The following CREBBP variants were observed in gnomAD, a reference collection of about 807,000 sequenced individuals.
CREBBP encodes the protein CREB binding lysine acetyltransferase.
Under a neutral mutation model 265.0 loss-of-function variants are expected in CREBBP, and 19 were observed. The ratio of observed to expected loss-of-function variants is 0.07; its 90% CI spans 0.05 to 0.11. The LOEUF (loss-of-function observed/expected upper bound fraction) is 0.11. Among genes scored for constraint, CREBBP ranks in the 10% least tolerant of loss-of-function variants. CREBBP has a pLI of 1.00. For synonymous variants in CREBBP, 1,457 were observed against 1,223.7 expected, an observed-to-expected ratio of 1.19 and a Z score of -3.98; for missense variants, 2,525 against 3,219.0, an observed-to-expected ratio of 0.78 and a Z score of 5.22.
At chr16:3,794,361 A>G (rs1213635408) in intron 3 of CREBBP, among the ~76,000 whole-genome samples, 1 of 146,372 alleles carries the variant, frequency 6.8e-6, no homozygotes, top group Non-Finnish European at 1.5e-5. Flanking sequence ...AAAAAAAAAA[A>G]AAAAGATTTG....
chr16:3,761,006 G>A (rs1196657584), intron 16 of CREBBP, among the ~76,000 whole-genome samples: 1 of 152,092 alleles, frequency 6.6e-6, no homozygotes, highest in African/African-American at 2.4e-5. Context: ...CTAGGCTGGA[G>A]TGCAATGGCG....
At position 3,778,072 on chromosome 16, in the gene CREBBP, G is replaced by C. The variant is rs2141233346; in HGVS notation, c.2052C>G (p.Ala684=). Residue 684 remains alanine (A), a synonymous_variant, in exon 10 of 31, where the codon GCC becomes GCG. Transcript: ENST00000262367. ...GGGGCTGAGCCCCCGGGGCTGGTAA[G>C]GCTGGCTGGTTCCCCAAGATGCCTT... ...HKQGILGNQP[A]LPAPGAQPPV... 6.2e-7 allele frequency: 1 copy of C among 1,614,224 alleles called. No homozygotes were observed. Among genetic ancestry groups the C allele is most frequent in the South Asian group, 1.1e-5 (1 of 91,082 alleles).
At chr16:3,783,410 C>T (rs2053318479) in intron 5 of CREBBP, among the ~76,000 whole-genome samples, 1 of 152,188 alleles carries the variant, frequency 6.6e-6, no homozygotes. Context: ...AGAGATGATA[C>T]CTGGTCGGTC....
intron 16 of CREBBP, among the ~76,000 whole-genome samples, chr16:3,764,685 G>C (rs2052804479): frequency 6.6e-6 from 1 of 152,048 alleles, no homozygotes; most frequent in African/African-American, 2.4e-5. Context: ...CTGAGCTCAA[G>C]TGATCCTGCT....
intron 2 of CREBBP, among the ~76,000 whole-genome samples, chr16:3,830,783 T>C (rs2054327446): frequency 6.6e-6 from 1 of 152,176 alleles, no homozygotes; most frequent in East Asian, 1.9e-4. Flanking sequence ...AACTGTAGGA[T>C]ACACATTCTA....
chr16:3,872,952 C>G (rs1380669736), intron 1 of CREBBP, among the ~76,000 whole-genome samples: 1 of 152,264 alleles, frequency 6.6e-6, no homozygotes, highest in Non-Finnish European at 1.5e-5. Flanking sequence ...CGGGGACACT[C>G]AGGAAACAGG....
intron 3 of CREBBP, among the ~76,000 whole-genome samples, chr16:3,801,755 A>G (rs1596965842): frequency 6.6e-6 from 1 of 152,206 alleles, no homozygotes; most frequent in African/African-American, 2.4e-5. Context: ...CTTTTGATGG[A>G]AAGCACTATA....
chr16:3,786,347 C>T (rs564653037), intron 5 of CREBBP, among the ~76,000 whole-genome samples: 22 of 152,266 alleles, frequency 1.4e-4, no homozygotes, highest in South Asian at 4.1e-4. Context: ...GCCTGGGCAA[C>T]AGAGAGACTC....
At chr16:3,844,916 C>T (rs1044714696) in intron 2 of CREBBP, among the ~76,000 whole-genome samples, 2 of 152,066 alleles carry the variant, frequency 1.3e-5, no homozygotes, top group African/African-American at 4.8e-5. Context: ...GAAAACCATA[C>T]TATGCTTCCA....
intron 2 of CREBBP, among the ~76,000 whole-genome samples, chr16:3,811,817 T>C (rs1159956389): frequency 2.0e-5 from 3 of 152,114 alleles, no homozygotes; most frequent in Admixed American, 6.6e-5. Flanking sequence ...CTAATAACGT[T>C]TTCTTTTCTC....
At chr16:3,875,716 G>A (rs1013292350) in intron 1 of CREBBP, among the ~76,000 whole-genome samples, 8 of 152,144 alleles carry the variant, frequency 5.3e-5, no homozygotes, top group African/African-American at 1.9e-4. Context: ...AATCTAGTTT[G>A]GATCTGGTTT....
Position 3,731,769 on chromosome 16 carries a change from C to A in CREBBP, c.4890+7G>T, listed in dbSNP as rs376118322. ...GGCACGGCTGCAGCACCGCAGCCCA[C>A]GCCTACCTCCTTGTGCTTCTCCATG... On this transcript the variant is annotated splice_region_variant and intron_variant, in intron 29 of 30. Coordinates refer to ENST00000262367, the MANE Select transcript of CREBBP (RefSeq NM_004380.3). This position sits in a 1 kb window ranked among gnomAD's most constrained non-coding sequence, Gnocchi z 7.7. The A allele has an allele frequency of 1.9e-6, 3 of 1,614,236 alleles. No homozygotes were observed. Among genetic ancestry groups the A allele is most frequent in the South Asian group, 2.2e-5 (2 of 91,086 alleles).
chr16:3,848,252 G>C (rs898696424), intron 2 of CREBBP, among the ~76,000 whole-genome samples: 4 of 152,138 alleles, frequency 2.6e-5, no homozygotes, highest in African/African-American at 9.6e-5. Flanking sequence ...TGAAGTTACT[G>C]TTAAATCTGT....
intron 2 of CREBBP, among the ~76,000 whole-genome samples, chr16:3,839,287 G>A (rs1299046661): frequency 1.3e-5 from 2 of 152,172 alleles, no homozygotes; most frequent in South Asian, 2.1e-4. Context: ...CTGAGCTGCC[G>A]CTATTACTAC....
At chr16:3,770,116 T>A (rs936936116) in intron 14 of CREBBP, among the ~76,000 whole-genome samples, 8 of 152,132 alleles carry the variant, frequency 5.3e-5, no homozygotes, top group Non-Finnish European at 5.9e-5. Context: ...GTGATCCGCC[T>A]GCCTCAGCCT....
chr16:3,740,485 C>G lies in CREBBP; in HGVS notation c.4047G>C (p.Gln1349His), dbSNP rs2151340742. The G allele has an allele frequency of 1.9e-6, 3 of 1,614,232 alleles. No homozygotes were observed. Among genetic ancestry groups the G allele is most frequent in the Non-Finnish European group, 2.5e-6 (3 of 1,180,046 alleles). ...AAACCTCCCCGGCTTCAGGGTGATT[C>G]TGGCGCCGCAAAAATTTGTTCACTC... ...EDRVNKFLRR[Q>H]NHPEAGEVFV... The change falls in exon 24 of 31, where the codon CAG becomes CAC. Residue 1349 changes from glutamine (Q) to histidine (H), a missense_variant. By Grantham distance (24) the Gln-to-His change is conservative (BLOSUM62 0). This residue lies in a region of CREBBP where 252 missense variants were observed against 452.5 expected (regional missense o/e 0.56). Coordinates refer to ENST00000262367, the MANE Select transcript of CREBBP (RefSeq NM_004380.3).
rs887430214 is a variant in CREBBP at position 3,832,815 on chromosome 16, C to T, written c.798+17482G>A. Among the ~76,000 whole-genome samples, 15 of 152,036 alleles carry T rather than the reference C, an allele frequency of 9.9e-5. No homozygotes were observed. In the East Asian group the frequency reaches 2.1e-3, roughly 22 times the overall value. On this transcript the variant is annotated intron_variant, in intron 2 of 30. Coordinates refer to ENST00000262367, the MANE Select transcript of CREBBP (RefSeq NM_004380.3). ...ATCCAGTAACATATAAAAAAGATAA[C>T]ACTCCACAATCAAGTGGGGTTATCT...
intron 2 of CREBBP, among the ~76,000 whole-genome samples, chr16:3,811,606 C>T (rs2053939479): frequency 6.6e-6 from 1 of 152,156 alleles, no homozygotes; most frequent in Non-Finnish European, 1.5e-5. Context: ...ATTCTCTTGC[C>T]TCAGCCTCCT....
intron 8 of CREBBP, among the ~76,000 whole-genome samples, chr16:3,779,969 C>T (rs1318437889): frequency 6.6e-6 from 1 of 151,624 alleles, no homozygotes; most frequent in Non-Finnish European, 1.5e-5. Context: ...ACAAAAAGGC[C>T]GGGTGCGGTG....
Sources: allele counts gnomAD v4.1 joint callset (sites outside exome capture counted in the v4.1 genomes callset), GRCh38; gene constraint gnomAD v4.1.1; regional missense constraint gnomAD v4.1.1; non-coding constraint Gnocchi (gnomAD v3.1); transcripts MANE v1.5; gene names NCBI Gene and HGNC (gene_info 2026-07-23, HGNC 2026-07-21).